COL18A1: variants seen among roughly 807,000 people sequenced by gnomAD.
The protein encoded by COL18A1 is collagen type XVIII alpha 1 chain, also known as collagen alpha-1(XVIII) chain.
A neutral mutation model predicts 168.0 loss-of-function variants in COL18A1; 133 were observed. That is an observed-to-expected ratio of 0.79 (90% CI 0.69 to 0.91). The LOEUF is 0.91. Ranked by LOEUF, COL18A1 falls within the 40% of genes least tolerant of loss-of-function variation. The probability of loss-of-function intolerance (pLI) is 0.00; values close to 1 mark genes in which losing one functional copy is unlikely to be tolerated. For missense variants in COL18A1, 2,126 were observed against 1,925.4 expected, an observed-to-expected ratio of 1.10 and a Z score of -1.95; for synonymous variants, 949 against 809.0, an observed-to-expected ratio of 1.17 and a Z score of -2.94.
chr21:45,465,280 A>G (rs76536846), intron 2 of COL18A1, among the ~76,000 whole-genome samples: 4,434 of 152,264 alleles, frequency 0.029, 231 homozygotes, highest in African/African-American at 0.1. Flanking sequence ...GTTTTGGGTC[A>G]GCGCTGACGG....
rs1038067633 is a variant in COL18A1, at chr21:45,473,713, G to A, written c.652-182G>A. ...ATGAAAGCGCCCAGGACGCCCCTGG[G>A]TCTCACCACTTCTTCCTACCATGAG... On this transcript the variant is annotated intron_variant, in intron 3 of 41. Transcript: ENST00000651438. The surrounding 1 kb of genome is among the most constrained non-coding windows in gnomAD (Gnocchi z 4.0). 6.6e-6 allele frequency among the ~76,000 whole-genome samples: 1 copy of A among 152,152 alleles called. No individual in the cohort carries two copies. The highest frequency in any genetic ancestry group is 6.5e-5 in the Admixed American group (1 of 15,288).
intron 37 of COL18A1, chr21:45,506,577 G>GC: frequency 5.5e-6 from 1 of 182,694 alleles, no homozygotes; most frequent in South Asian, 1.1e-4. Context: ...TGCTTGCAGG[G>GC]CCCCGGGAAG....
chr21:45,411,723 C>T (rs1346986129), intron 2 of COL18A1, among the ~76,000 whole-genome samples: 2 of 129,094 alleles, frequency 1.5e-5, no homozygotes, highest in Non-Finnish European at 3.1e-5. Flanking sequence ...CAGCTCTTAT[C>T]TTGGGTGTCA....
At position 45,509,552 on chromosome 21, in the gene COL18A1, C is replaced by T. The variant is rs1395632086; in HGVS notation, c.3446C>T (p.Ala1149Val). The T allele has an allele frequency of 4.6e-6, 7 of 1,535,504 alleles. No homozygotes were observed. The highest frequency in any genetic ancestry group is 1.9e-5 in the Admixed American group (1 of 52,078). Reference protein sequence around the residue: ...HHSSYVHLRPARPTSPPAHSH... With the variant: ...HHSSYVHLRPVRPTSPPAHSH... ...AGCTCCTACGTGCACCTGCGGCCGG[C>T]GCGACCCACAAGCCCACCCGCCCAC... Residue 1149 changes from alanine (A) to valine (V), a missense_variant, in exon 39 of 42, where the codon GCG becomes GTG. Transcript: ENST00000651438.
At chr21:45,493,761 C>T in intron 26 of COL18A1, 186 bp downstream of exon 26, 1 of 600,658 alleles carries the variant, frequency 1.7e-6, no homozygotes, top group Non-Finnish European at 3.0e-6. Context: ...TTCCGCCGGC[C>T]CCTCGTCCTC....
At chr21:45,496,364 G>A in intron 29 of COL18A1, 136 bp from the exon 30 acceptor site, 2 of 749,414 alleles carry the variant, frequency 2.7e-6, no homozygotes, top group South Asian at 1.4e-5. Context: ...GTGACCCACT[G>A]CATTCTCGGT....
intron 12 of COL18A1, 59 bp from the exon 13 acceptor site, chr21:45,480,641 G>A: frequency 6.2e-7 from 1 of 1,611,622 alleles, no homozygotes. Context: ...TCTGGGGGTG[G>A]TGGTCATCCC....
rs531485474 is a variant in COL18A1, at chr21:45,409,309, G to A, written c.106+3836G>A. ...TCGTATGGTGCTGTGCAGGGCAGGGGCAGAATCCTGGGAAACTAAAATGCA... is the reference window on the plus strand; with the variant it reads ...TCGTATGGTGCTGTGCAGGGCAGGGACAGAATCCTGGGAAACTAAAATGCA... On this transcript the variant is annotated intron_variant, in intron 2 of 41. Transcript: ENST00000651438. Among the ~76,000 whole-genome samples the A allele has an allele frequency of 1.1e-4, 17 of 152,356 alleles. No homozygotes were observed. The South Asian group carries it at 3.5e-3, about 32-fold the overall frequency.
chr21:45,415,445 C>T (rs1212282606), intron 2 of COL18A1, among the ~76,000 whole-genome samples: 7 of 152,234 alleles, frequency 4.6e-5, no homozygotes, highest in South Asian at 4.2e-4. Flanking sequence ...GCTGGACACC[C>T]AGGGCTCAGA....
At chr21:45,456,274 C>T in intron 2 of COL18A1, 10 of 1,575,430 alleles carry the variant, frequency 6.3e-6, no homozygotes, top group Non-Finnish European at 8.6e-6. Context: ...CAGCCGCTCC[C>T]AGCCAGCAGC....
At chr21:45,458,824 ACTGT>A (rs1477374065) in intron 2 of COL18A1, among the ~76,000 whole-genome samples, 2 of 152,122 alleles carry the variant, frequency 1.3e-5, no homozygotes, top group Admixed American at 6.5e-5. Flanking sequence ...CCAGCCCGAG[ACTGT>A]CTGGGATCAG....
chr21:45,476,614 G>A (rs1449688014), intron 6 of COL18A1, 134 bp downstream of exon 6: 3 of 1,134,594 alleles, frequency 2.6e-6, no homozygotes, highest in East Asian at 2.6e-5. Context: ...ACATGTGTGT[G>A]TGATATGGCA....
intron 2 of COL18A1, among the ~76,000 whole-genome samples, chr21:45,438,376 ACACACACT>A (rs144867951): frequency 1.7e-4 from 20 of 115,454 alleles, no homozygotes; most frequent in African/African-American, 3.3e-4. Flanking sequence ...TCCTGCACAC[ACACACACT>A]CACACACTCA....
At chr21:45,429,197 A>G (rs527427992) in intron 2 of COL18A1, among the ~76,000 whole-genome samples, 3 of 152,048 alleles carry the variant, frequency 2.0e-5, no homozygotes, top group East Asian at 1.9e-4. Flanking sequence ...CACCGCGCCC[A>G]GCCGAGACTA....
At chr21:45,491,711 C>G (rs978546809) in intron 22 of COL18A1, among the ~76,000 whole-genome samples, 3 of 152,204 alleles carry the variant, frequency 2.0e-5, no homozygotes, top group African/African-American at 7.2e-5. Context: ...AACCTTCCTC[C>G]CCCACTGCGG....
rs762651872 is a variant in COL18A1 at position 45,438,096 on chromosome 21, TCA to T, written c.107-30142_107-30141del. Among the ~76,000 whole-genome samples the T allele has an allele frequency of 5.1e-3, 140 of 27,696 alleles. 2 individuals are homozygous for T. Among genetic ancestry groups the T allele is most frequent in the Non-Finnish European group, 7.9e-3 (119 of 15,058 alleles). 18.2% of individuals were successfully genotyped at this position (27,696 alleles called of 152,430 possible). A position where few individuals can be genotyped will look rare whatever the true frequency, so the allele number is the denominator to read the frequency against. On this transcript the variant is annotated intron_variant, in intron 2 of 41. Coordinates refer to ENST00000651438, the MANE Select transcript of COL18A1 (RefSeq NM_001379500.1). ...CAGACAAGCACTCTCCTGCACACAC[TCA>T]CACTCACACTCAGACACACAGGCAC...
chr21:45,448,629 G>C (rs189097683), intron 2 of COL18A1, among the ~76,000 whole-genome samples: 17 of 152,346 alleles, frequency 1.1e-4, no homozygotes, highest in Non-Finnish European at 2.2e-4. Context: ...TTCTGTGTGC[G>C]TGTCCCAAGA....
chr21:45,512,239 CGA>C lies in COL18A1; in HGVS notation c.3865_3866del (p.Ser1289LeufsTer3), dbSNP rs1568957153. Reference protein sequence around the residue: ...GSDPNGRRLTESYCETWRTEA... With the variant: ...GSDPNGRRLTXSYCETWRTEA... ...CGGACCCCAACGGGCGCAGGCTGAC[CGA>C]GAGCTACTGTGAGACGTGGCGGACG... is the stretch of plus-strand genomic sequence containing the variant. On this transcript the variant is annotated frameshift_variant, in exon 42 of 42. Transcript: ENST00000651438. LOFTEE classifies it low-confidence loss of function (END_TRUNC). The C allele has an allele frequency of 6.2e-7, 1 of 1,612,568 alleles. No homozygotes were observed. The highest frequency in any genetic ancestry group is 8.5e-7 in the Non-Finnish European group (1 of 1,179,788).
At chr21:45,484,505 C>T (rs997395008) in intron 15 of COL18A1, among the ~76,000 whole-genome samples, 2 of 151,394 alleles carry the variant, frequency 1.3e-5, no homozygotes, top group African/African-American at 2.5e-5. Flanking sequence ...CACACATGCA[C>T]CTCTCCAGCA....
Sources: allele counts gnomAD v4.1 joint callset (sites outside exome capture counted in the v4.1 genomes callset), GRCh38; gene constraint gnomAD v4.1.1; non-coding constraint Gnocchi (gnomAD v3.1); transcripts MANE v1.5; gene names NCBI Gene and HGNC (gene_info 2026-07-23, HGNC 2026-07-21).